RHOQ: variants seen among roughly 807,000 people sequenced by gnomAD.
RHOQ encodes the protein ras homolog family member Q.
Under a neutral mutation model 25.8 loss-of-function variants are expected in RHOQ, and 7 were observed. That is an observed-to-expected ratio of 0.27 (90% CI 0.15 to 0.51). RHOQ has a LOEUF of 0.51. Ranked by LOEUF, RHOQ falls within the 20% of genes least tolerant of loss-of-function variation. The pLI is 0.97. For synonymous variants in RHOQ, 97 were observed against 98.6 expected (o/e 0.98, Z 0.10); for missense variants, 165 against 260.6 (o/e 0.63, Z 2.53).
intron 2 of RHOQ, among the ~76,000 whole-genome samples, chr2:46,557,925 A>AACT: frequency 1.3e-5 from 2 of 152,174 alleles, no homozygotes; most frequent in Non-Finnish European, 2.9e-5. Context: ...ACCACTGATC[A>AACT]GTGTTTATAT....
intron 2 of RHOQ, among the ~76,000 whole-genome samples, chr2:46,575,379 GTA>G (rs1198859658): frequency 6.7e-6 from 1 of 149,142 alleles, no homozygotes; most frequent in Non-Finnish European, 1.5e-5. Context: ...GGTTTACTGT[GTA>G]TGTTTCTCTT....
At position 46,581,161 on chromosome 2, in the gene RHOQ, T is replaced by G; in HGVS notation, c.*78T>G. The G allele has an allele frequency of 8.3e-7, 1 of 1,203,744 alleles. No individual in the cohort carries two copies. Among genetic ancestry groups the G allele is most frequent in the Non-Finnish European group, 1.2e-6 (1 of 867,284 alleles). 74.6% of individuals were successfully genotyped at this position (1,203,744 alleles called of 1,614,324 possible). The stretch of plus-strand genomic sequence containing the variant: ...AAATGCTACAGCTATACCCAGACCT[T>G]TTATAGGTAATGAAGCAGTTCAAAA... On this transcript the variant is annotated 3_prime_UTR_variant, in exon 5 of 5. Coordinates refer to ENST00000238738, the MANE Select transcript of RHOQ (RefSeq NM_012249.4).
At chr2:46,575,971 C>A in intron 2 of RHOQ, 116 bp from the exon 3 acceptor site, 1 of 738,050 alleles carries the variant, frequency 1.4e-6, no homozygotes, top group Non-Finnish European at 2.0e-6. Flanking sequence ...GAGTGCCATA[C>A]ATTCCACTAG....
Position 46,581,134 on chromosome 2 carries a change from T to C in RHOQ, c.*51T>C, listed in dbSNP as rs763105097. The C allele has an allele frequency of 2.4e-5, 34 of 1,395,454 alleles. No homozygotes were observed. Among genetic ancestry groups the C allele is most frequent in the Non-Finnish European group, 2.9e-5 (30 of 1,035,300 alleles). The allele number at this position is 1,395,454 out of a possible 1,614,324, so 86.4% of individuals were successfully genotyped here. On this transcript the variant is annotated 3_prime_UTR_variant, in exon 5 of 5. Transcript: ENST00000238738. ...CTGTCCATTTCTCTCAGAAAGCAAA[T>C]GAAATGCTACAGCTATACCCAGACC... is the stretch of plus-strand genomic sequence containing the variant.
At chr2:46,549,078 T>A (rs1356224149) in intron 2 of RHOQ, among the ~76,000 whole-genome samples, 1 of 152,088 alleles carries the variant, frequency 6.6e-6, no homozygotes, top group Non-Finnish European at 1.5e-5. Flanking sequence ...CTGTGCCCCA[T>A]CCCCATCCTG....
intron 2 of RHOQ, among the ~76,000 whole-genome samples, chr2:46,554,049 G>A (rs1668333301): frequency 6.6e-6 from 1 of 151,706 alleles, no homozygotes. Flanking sequence ...TTCTGTTGCT[G>A]GCTTATTTTA....
At chr2:46,560,743 G>A (rs796546519) in intron 2 of RHOQ, 15 of 419,670 alleles carry the variant, frequency 3.6e-5, no homozygotes, top group African/African-American at 2.2e-4. Context: ...TAGACTTTGC[G>A]TAGAGTCTGT....
chr2:46,577,155 G>C (rs1046709565), intron 4 of RHOQ: 1 of 152,256 alleles, frequency 6.6e-6, no homozygotes, highest in Admixed American at 6.5e-5. Flanking sequence ...GACTAGGTTT[G>C]AAAAGAAATG....
In RHOQ at chr2:46,582,312, A is replaced by ATT. The variant is rs1387660527; in HGVS notation, c.*1232_*1233dup. On this transcript the variant is annotated 3_prime_UTR_variant, in exon 5 of 5. Transcript: ENST00000238738. Reference sequence around the variant, plus strand: ...AAAAAGAAAAAAAAGTTGGAGGAAAATTTTCATGTTCTTCTGTGAAGCTTA... The same window carrying ATT: ...AAAAAGAAAAAAAAGTTGGAGGAAAATTTTTTCATGTTCTTCTGTGAAGCTTA... 8 of 152,008 alleles carry ATT rather than the reference A, an allele frequency of 5.3e-5. No individual in the cohort carries two copies. The highest frequency in any genetic ancestry group is 1.2e-4 in the Non-Finnish European group (8 of 67,994). The allele number at this position is 152,008 out of a possible 1,614,324, so 9.4% of individuals were successfully genotyped here.
In RHOQ at chr2:46,581,278, G is replaced by T; in HGVS notation, c.*195G>T. On this transcript the variant is annotated 3_prime_UTR_variant, in exon 5 of 5. Transcript: ENST00000238738. ...TAAGAAGCAGTAAGCAGCATCTGAA[G>T]CCACAATCTATTATAAATACTTTAT... 1 of 972,100 alleles carries T rather than the reference G, an allele frequency of 1.0e-6. No homozygotes were observed. The highest frequency in any genetic ancestry group is 1.5e-6 in the Non-Finnish European group (1 of 668,106). 60.2% of individuals were successfully genotyped at this position (972,100 alleles called of 1,614,324 possible).
Position 46,543,068 on chromosome 2 carries a change from C to G in RHOQ, c.22C>G (p.Leu8Val). The change falls in exon 1 of 5, where the codon CTG (leucine) becomes GTG (valine). Residue 8 changes from leucine (L) to valine (V), a missense_variant. Physicochemically the swap from Leu to Val is conservative, Grantham distance 32 (BLOSUM62 1). Coordinates refer to ENST00000238738, the MANE Select transcript of RHOQ (RefSeq NM_012249.4). Reference protein sequence around the residue: MAHGPGALMLKCVVVGDG... With the variant: MAHGPGAVMLKCVVVGDG... ...CAGCATGGCTCACGGGCCCGGCGCG[C>G]TGATGCTCAAGTGCGTGGTGGTCGG... 1.9e-6 allele frequency: 3 copies of G among 1,603,934 alleles called. No homozygotes were observed. The highest frequency in any genetic ancestry group is 1.1e-5 in the South Asian group (1 of 90,198).
chr2:46,552,351 C>G lies in RHOQ; in HGVS notation c.201+8539C>G, dbSNP rs1183552518. On this transcript the variant is annotated intron_variant, in intron 2 of 4. Transcript: ENST00000238738. The surrounding 1 kb of genome is among the most constrained non-coding windows in gnomAD (Gnocchi z 5.0). ...ATGCCATTTGCCTAAAGCTGTGGCC[C>G]CTTCCCAGAAGAGAGGGACAGGGAA... Among the ~76,000 whole-genome samples, 1 of 152,176 alleles carries G rather than the reference C, an allele frequency of 6.6e-6. No homozygotes were observed. Among genetic ancestry groups the G allele is most frequent in the Non-Finnish European group, 1.5e-5 (1 of 68,040 alleles).
chr2:46,543,378 C>G (rs980777084), intron 1 of RHOQ, 190 bp downstream of exon 1: 1 of 629,036 alleles, frequency 1.6e-6, no homozygotes, highest in Non-Finnish European at 2.8e-6. Context: ...GATCCACCCC[C>G]TCTCCCACCC....
chr2:46,565,748 GA>G (rs1668711854), intron 2 of RHOQ, among the ~76,000 whole-genome samples: 1 of 152,246 alleles, frequency 6.6e-6, no homozygotes, highest in Non-Finnish European at 1.5e-5. Flanking sequence ...TACCGTCATT[GA>G]TTCAGCGGGA....
chr2:46,572,893 A>G (rs2104023163), intron 2 of RHOQ: 1 of 359,536 alleles, frequency 2.8e-6, no homozygotes, highest in Non-Finnish European at 5.5e-6. Context: ...CCCAAATCCC[A>G]CATTTCATAT....
At chr2:46,562,443 G>A (rs979134484) in intron 2 of RHOQ, among the ~76,000 whole-genome samples, 1 of 152,178 alleles carries the variant, frequency 6.6e-6, no homozygotes, top group African/African-American at 2.4e-5. Context: ...TCCTCTATCT[G>A]TACTGTTGCT....
chr2:46,544,508 G>T (rs1216360722), intron 2 of RHOQ, among the ~76,000 whole-genome samples: 1 of 152,218 alleles, frequency 6.6e-6, no homozygotes, highest in Non-Finnish European at 1.5e-5. Context: ...GATTAATTGT[G>T]CAGAAAGAAG....
At chr2:46,549,916 A>G (rs1448524317) in intron 2 of RHOQ, among the ~76,000 whole-genome samples, 2 of 152,192 alleles carry the variant, frequency 1.3e-5, no homozygotes, top group African/African-American at 4.8e-5. Context: ...TAGGCATGCA[A>G]CAAATACATC....
intron 2 of RHOQ, among the ~76,000 whole-genome samples, chr2:46,551,017 T>C (rs1668223314): frequency 6.6e-6 from 1 of 152,068 alleles, no homozygotes; most frequent in Admixed American, 6.5e-5. Context: ...CAGGAAGAGA[T>C]GGGGGCCAGT....
Sources: allele counts gnomAD v4.1 joint callset (sites outside exome capture counted in the v4.1 genomes callset), GRCh38; gene constraint gnomAD v4.1.1; non-coding constraint Gnocchi (gnomAD v3.1); transcripts MANE v1.5; gene names NCBI Gene and HGNC (gene_info 2026-07-23, HGNC 2026-07-21).